Variants in SLC2A9 observed in about 807,000 individuals in gnomAD.
SLC2A9 encodes solute carrier family 2, facilitated glucose transporter member 9.
Under a neutral mutation model 50.6 loss-of-function variants are expected in SLC2A9, and 39 were observed. The observed-to-expected ratio is 0.77, with a 90% CI of 0.60 to 1.01. The LOEUF (loss-of-function observed/expected upper bound fraction) is 1.01. Ranked by LOEUF, SLC2A9 falls within the 50% of genes least tolerant of loss-of-function variation. SLC2A9 has a pLI of 0.00. For synonymous variants in SLC2A9, 324 were observed against 276.9 expected, an observed-to-expected ratio of 1.17 and a Z score of -1.69; for missense variants, 686 against 677.6, an observed-to-expected ratio of 1.01 and a Z score of -0.14.
At chr4:9,870,110 G>A (rs1345398457) in intron 10 of SLC2A9, among the ~76,000 whole-genome samples, 2 of 152,236 alleles carry the variant, frequency 1.3e-5, no homozygotes, top group Non-Finnish European at 2.9e-5. Context: ...CAGGAGAGGC[G>A]TGTGGAAGGG....
At chr4:9,913,597 T>A (rs1577860978) in intron 7 of SLC2A9, among the ~76,000 whole-genome samples, 2 of 152,188 alleles carry the variant, frequency 1.3e-5, no homozygotes, top group Non-Finnish European at 2.9e-5. Context: ...GAGCATCCAC[T>A]AGGGAACATA....
chr4:9,859,539 C>T (rs1012627287), intron 10 of SLC2A9, among the ~76,000 whole-genome samples: 1 of 152,216 alleles, frequency 6.6e-6, no homozygotes, highest in African/African-American at 2.4e-5. Context: ...AGCCATGAGG[C>T]CAAGTGAGGG....
chr4:9,856,641 T>C (rs1730759658), intron 10 of SLC2A9, among the ~76,000 whole-genome samples: 1 of 152,216 alleles, frequency 6.6e-6, no homozygotes. Flanking sequence ...TAAATTGTTC[T>C]ACCATAAAGA....
intron 10 of SLC2A9, among the ~76,000 whole-genome samples, chr4:9,840,594 A>G (rs1348716900): frequency 6.6e-6 from 1 of 152,168 alleles, no homozygotes; most frequent in Non-Finnish European, 1.5e-5. Flanking sequence ...CTCCATTTGT[A>G]TTTTGGTATT....
chr4:9,808,997 T>C (rs374609847), intron 3 of SLC2A9, among the ~76,000 whole-genome samples: 118 of 152,340 alleles, frequency 7.7e-4, no homozygotes, highest in Middle Eastern at 3.4e-3. Flanking sequence ...ACATTTGTGT[T>C]TGAGTCAATT....
At chr4:9,918,087 A>G (rs1387190891) in intron 7 of SLC2A9, among the ~76,000 whole-genome samples, 1 of 152,110 alleles carries the variant, frequency 6.6e-6, no homozygotes, top group Non-Finnish European at 1.5e-5. Context: ...AATGGGGACA[A>G]TACCACTTAC....
At chr4:9,839,638 T>G (rs1030005450) in intron 10 of SLC2A9, among the ~76,000 whole-genome samples, 2 of 152,150 alleles carry the variant, frequency 1.3e-5, no homozygotes, top group South Asian at 4.1e-4. Flanking sequence ...TGGAATACTA[T>G]GCAGCCATAA....
chr4:9,893,046 G>A (rs1460170771), intron 8 of SLC2A9, among the ~76,000 whole-genome samples: 8 of 152,202 alleles, frequency 5.3e-5, no homozygotes, highest in Admixed American at 3.3e-4. Flanking sequence ...AGGGTCACAT[G>A]GCTGGTAAGT....
At chr4:9,825,076 A>G (rs1724916221), downstream of SLC2A9, among the ~76,000 whole-genome samples, 1 of 152,210 alleles carries the variant, frequency 6.6e-6, no homozygotes, top group Admixed American at 6.5e-5. Flanking sequence ...TTCTAGTGGT[A>G]TTGCTAAGTC....
intron 3 of SLC2A9, among the ~76,000 whole-genome samples, chr4:9,994,181 C>T (rs1158653468): frequency 6.6e-6 from 1 of 152,250 alleles, no homozygotes; most frequent in East Asian, 1.9e-4. Context: ...AGTTCAACTC[C>T]ATTTTGAAAC....
intron 5 of SLC2A9, among the ~76,000 whole-genome samples, chr4:9,964,481 T>G (rs6449173): frequency 0.27 from 41,794 of 152,144 alleles, 6,439 homozygotes; most frequent in African/African-American, 0.4. Context: ...CTGAACATTT[T>G]CTCTGGCTAC....
intron 10 of SLC2A9, among the ~76,000 whole-genome samples, chr4:9,839,365 A>C (rs893954501): frequency 6.6e-6 from 1 of 152,216 alleles, no homozygotes; most frequent in East Asian, 1.9e-4. Context: ...GAGAAAAAGG[A>C]ACATTTATAC....
intron 6 of SLC2A9, among the ~76,000 whole-genome samples, chr4:9,937,420 C>T (rs1467457355): frequency 1.3e-5 from 2 of 152,152 alleles, no homozygotes; most frequent in African/African-American, 4.8e-5. Context: ...AGTCCTGGGG[C>T]TTAGCTAGTC....
At chr4:9,893,991 T>C (rs1255416253) in intron 8 of SLC2A9, among the ~76,000 whole-genome samples, 3 of 152,204 alleles carry the variant, frequency 2.0e-5, no homozygotes, top group Non-Finnish European at 4.4e-5. Flanking sequence ...CACCCAGGGC[T>C]AACTATTCAG....
chr4:10,004,997 C>A (rs561164605), intron 2 of SLC2A9, among the ~76,000 whole-genome samples: 1 of 152,178 alleles, frequency 6.6e-6, no homozygotes, highest in Non-Finnish European at 1.5e-5. Flanking sequence ...CCAACAGCCA[C>A]GAGGCACATT....
intron 10 of SLC2A9, among the ~76,000 whole-genome samples, chr4:9,873,151 C>T (rs1733728491): frequency 6.6e-6 from 1 of 152,124 alleles, no homozygotes; most frequent in Non-Finnish European, 1.5e-5. Flanking sequence ...GGACCCTGAC[C>T]CATGACTGTT....
intron 2 of SLC2A9, among the ~76,000 whole-genome samples, chr4:10,016,099 G>A (rs141767347): frequency 6.6e-6 from 1 of 152,182 alleles, no homozygotes; most frequent in East Asian, 1.9e-4. Flanking sequence ...AGGTTCAAAG[G>A]ACACCAGGCT....
intron 8 of SLC2A9, among the ~76,000 whole-genome samples, chr4:9,897,798 G>T (rs1376605458): frequency 6.6e-6 from 1 of 152,208 alleles, no homozygotes; most frequent in Non-Finnish European, 1.5e-5. Context: ...GCTGAGGCAG[G>T]AGGGAGGTTG....
chr4:9,783,518 C>A, intron 3 of SLC2A9: 2 of 1,452,586 alleles, frequency 1.4e-6, no homozygotes, highest in Non-Finnish European at 1.9e-6. Context: ...CATTGACAAG[C>A]ACGCACACAC....
Sources: gnomAD v4.1 joint callset for allele counts (sites outside exome capture counted in the v4.1 genomes callset) on GRCh38, gnomAD v4.1.1 for gene constraint, MANE v1.5 for transcripts, NCBI Gene and HGNC (gene_info 2026-07-23, HGNC 2026-07-21) for gene names.